SYNJ1: variants seen among roughly 807,000 people sequenced by gnomAD.
SYNJ1 encodes the protein synaptojanin 1, also known as polyphosphatidylinositol phosphatase SYNJ1.
In SYNJ1, 78 loss-of-function variants were observed where a neutral mutation model predicts 168.2. That is an observed-to-expected ratio of 0.46 (90% CI 0.39 to 0.56). The LOEUF (loss-of-function observed/expected upper bound fraction) is 0.56. Ranked by LOEUF, SYNJ1 falls within the 20% of genes least tolerant of loss-of-function variation. The probability of loss-of-function intolerance (pLI) is 0.00; values close to 1 mark genes in which losing one functional copy is unlikely to be tolerated. For synonymous variants in SYNJ1, 539 were observed against 548.6 expected (o/e 0.98, Z 0.24); for missense variants, 1,303 against 1,597.6 (o/e 0.82, Z 3.14).
chr21:32,702,462 G>A (rs2042440171), intron 2 of SYNJ1, among the ~76,000 whole-genome samples: 1 of 152,032 alleles, frequency 6.6e-6, no homozygotes, highest in African/African-American at 2.4e-5. Flanking sequence ...TAAAGTTAAC[G>A]TTACCTTGTT....
intron 23 of SYNJ1, among the ~76,000 whole-genome samples, chr21:32,647,732 T>TC (rs1165936966): frequency 6.6e-6 from 1 of 152,194 alleles, no homozygotes; most frequent in Non-Finnish European, 1.5e-5. Flanking sequence ...CTGCACTGAT[T>TC]CCCCTGTTTA....
chr21:32,697,682 TCCCAGCTA>T (rs2042258909), intron 4 of SYNJ1, among the ~76,000 whole-genome samples: 1 of 152,164 alleles, frequency 6.6e-6, no homozygotes, highest in African/African-American at 2.4e-5. Flanking sequence ...ACGCCTGTGG[TCCCAGCTA>T]CCCAGGAGGC....
chr21:32,640,576 T>A (rs2039791240), intron 29 of SYNJ1, among the ~76,000 whole-genome samples: 1 of 152,152 alleles, frequency 6.6e-6, no homozygotes, highest in African/African-American at 2.4e-5. Context: ...ACCACAGGCG[T>A]GAGCCACCGT....
Position 32,645,676 on chromosome 21 carries a change from C to T in SYNJ1, c.3361G>A (p.Ala1121Thr). 2 of 1,516,794 alleles carry T rather than the reference C, an allele frequency of 1.3e-6. No homozygotes were observed. Among genetic ancestry groups the T allele is most frequent in the Non-Finnish European group, 1.8e-6 (2 of 1,137,738 alleles). 94.0% of individuals were successfully genotyped at this position (1,516,794 alleles called of 1,614,324 possible). ...PRPVAPPTRP[A>T]PPQRPPPPSG... ...GGCGGAGGAGGTCTCTGTGGGGGAG[C>T]CGGGCGTGTGGGAGGGGCGACCGGG... The change falls in exon 25 of 33, where the codon GCT becomes ACT. Residue 1121 changes from alanine (A) to threonine (T), a missense_variant. By Grantham distance (58) the Ala-to-Thr change is moderately conservative. Transcript: ENST00000674351.
At chr21:32,710,762 T>C (rs1202974458) in intron 2 of SYNJ1, among the ~76,000 whole-genome samples, 1 of 152,158 alleles carries the variant, frequency 6.6e-6, no homozygotes, top group African/African-American at 2.4e-5. Flanking sequence ...TAGCCCACAC[T>C]TCCCAAGGCT....
chr21:32,685,136 C>A (rs539257828), intron 9 of SYNJ1, among the ~76,000 whole-genome samples: 27 of 146,714 alleles, frequency 1.8e-4, no homozygotes, highest in African/African-American at 6.3e-4. Context: ...GAGCCAAGAT[C>A]GCACCACTGC....
upstream of SYNJ1, chr21:32,728,172 G>C (rs2043567193): frequency 1.8e-6 from 2 of 1,132,368 alleles, no homozygotes; most frequent in East Asian, 5.9e-5. Flanking sequence ...TCAGTCTCCA[G>C]CTACCTTTGC....
intron 2 of SYNJ1, among the ~76,000 whole-genome samples, chr21:32,717,353 C>G (rs901019140): frequency 2.6e-5 from 4 of 152,080 alleles, no homozygotes; most frequent in African/African-American, 9.7e-5. Flanking sequence ...TTTTAATGTC[C>G]TTGTCTATTA....
At chr21:32,642,687 T>C (rs2039896829) in intron 27 of SYNJ1, among the ~76,000 whole-genome samples, 2 of 152,212 alleles carry the variant, frequency 1.3e-5, no homozygotes, top group South Asian at 4.1e-4. Context: ...CAGGCATATG[T>C]TATTACCAAA....
In SYNJ1 at chr21:32,692,427, A is replaced by G. The variant is rs561976481; in HGVS notation, c.789+1801T>C. On this transcript the variant is annotated intron_variant, in intron 6 of 32. Coordinates refer to ENST00000674351, the MANE Select transcript of SYNJ1 (RefSeq NM_203446.3). ...CCCCATTTCTACTAAAAATAAAAAA[A>G]TTAGCCAAGTGTGGTGGCACGCGCC... Among the ~76,000 whole-genome samples the G allele has an allele frequency of 9.2e-5, 14 of 152,262 alleles. No individual in the cohort carries two copies. In the East Asian group the frequency reaches 2.7e-3, roughly 29 times the overall value.
chr21:32,636,612 A>C (rs1208483294), intron 31 of SYNJ1, among the ~76,000 whole-genome samples: 1 of 152,154 alleles, frequency 6.6e-6, no homozygotes, highest in Non-Finnish European at 1.5e-5. Flanking sequence ...AATAATTTAA[A>C]ATTTTTTTTA....
chr21:32,647,970 C>G (rs1159799172), intron 23 of SYNJ1, among the ~76,000 whole-genome samples: 3 of 152,168 alleles, frequency 2.0e-5, no homozygotes, highest in Non-Finnish European at 2.9e-5. Flanking sequence ...CCCACTCCTG[C>G]AGATCACTTC....
chr21:32,688,154 T>A, intron 7 of SYNJ1, 152 bp downstream of exon 7: 1 of 677,444 alleles, frequency 1.5e-6, no homozygotes, highest in East Asian at 2.8e-5. Context: ...CCCCCAGAAG[T>A]CGTAACACTA....
At chr21:32,703,948 C>T (rs113774345) in intron 2 of SYNJ1, among the ~76,000 whole-genome samples, 13 of 152,096 alleles carry the variant, frequency 8.5e-5, no homozygotes, top group African/African-American at 3.1e-4. Context: ...TGGAAACTCT[C>T]GGGCTCAAGC....
chr21:32,632,644 C>T (rs1162711832), intron 32 of SYNJ1, among the ~76,000 whole-genome samples: 1 of 152,134 alleles, frequency 6.6e-6, no homozygotes, highest in Non-Finnish European at 1.5e-5. Flanking sequence ...CCTTAGCCTC[C>T]CAAAGTGTCA....
chr21:32,632,918 G>C (rs1243380811), intron 32 of SYNJ1, among the ~76,000 whole-genome samples: 1 of 152,142 alleles, frequency 6.6e-6, no homozygotes, highest in Non-Finnish European at 1.5e-5. Context: ...TACTCAGGAG[G>C]CTGAGGAAGG....
At chr21:32,665,816 A>G (rs2040905432) in intron 17 of SYNJ1, 127 bp downstream of exon 17, 1 of 988,006 alleles carries the variant, frequency 1.0e-6, no homozygotes, top group Non-Finnish European at 1.4e-6. Context: ...TGAAATATCT[A>G]TTTAGGTGAA....
intron 13 of SYNJ1, among the ~76,000 whole-genome samples, chr21:32,675,413 T>G (rs956009173): frequency 6.6e-6 from 1 of 152,020 alleles, no homozygotes; most frequent in African/African-American, 2.4e-5. Context: ...ATAAAAAATT[T>G]TAAAAAAGAA....
chr21:32,685,308 T>C (rs2041789352), intron 9 of SYNJ1, among the ~76,000 whole-genome samples: 2 of 148,828 alleles, frequency 1.3e-5, no homozygotes, highest in African/African-American at 5.0e-5. Context: ...AAGTATAGGA[T>C]GGGTGAGATG....
Sources: allele counts gnomAD v4.1 joint callset (sites outside exome capture counted in the v4.1 genomes callset), GRCh38; gene constraint gnomAD v4.1.1; transcripts MANE v1.5; gene names NCBI Gene and HGNC (gene_info 2026-07-23, HGNC 2026-07-21).